Variants in PARD3 observed in about 807,000 individuals in gnomAD.
PARD3 encodes the protein par-3 family cell polarity regulator, also known as partitioning defective 3 homolog.
A neutral mutation model predicts 155.4 loss-of-function variants in PARD3; 75 were observed. That is an observed-to-expected ratio of 0.48 (90% confidence interval 0.40 to 0.58). The LOEUF is 0.58. Among genes scored for constraint, PARD3 ranks in the 20% least tolerant of loss-of-function variants. PARD3 has a pLI of 0.00. For synonymous variants in PARD3, 576 were observed against 610.5 expected, an observed-to-expected ratio of 0.94 and a Z score of 0.83; for missense variants, 1,642 against 1,721.7, an observed-to-expected ratio of 0.95 and a Z score of 0.82.
chr10:34,591,698 C>T (rs2088701300), intron 2 of PARD3, among the ~76,000 whole-genome samples: 1 of 152,094 alleles, frequency 6.6e-6, no homozygotes, highest in Admixed American at 6.6e-5. Flanking sequence ...AGGCCTTAAT[C>T]CAGAAATGAA....
At chr10:34,548,599 T>A (rs2133948261) in intron 2 of PARD3, among the ~76,000 whole-genome samples, 2 of 152,218 alleles carry the variant, frequency 1.3e-5, no homozygotes, top group African/African-American at 4.8e-5. Flanking sequence ...AACTACCAGC[T>A]GGCATTAAAA....
At chr10:34,580,985 G>T (rs1044964275) in intron 2 of PARD3, among the ~76,000 whole-genome samples, 1 of 152,114 alleles carries the variant, frequency 6.6e-6, no homozygotes, top group Admixed American at 6.5e-5. Flanking sequence ...TATAAAACAT[G>T]ATCAGTGTGT....
chr10:34,603,235 C>T (rs1394682535), intron 2 of PARD3, among the ~76,000 whole-genome samples: 1 of 152,146 alleles, frequency 6.6e-6, no homozygotes, highest in Non-Finnish European at 1.5e-5. Context: ...TGGTGGGCTG[C>T]AAGTTTAAAT....
chr10:34,656,168 C>G (rs545205523), intron 2 of PARD3, among the ~76,000 whole-genome samples: 1 of 152,102 alleles, frequency 6.6e-6, no homozygotes, highest in Non-Finnish European at 1.5e-5. Flanking sequence ...CACTGCCCCC[C>G]ATAAACCACA....
intron 1 of PARD3, among the ~76,000 whole-genome samples, chr10:34,795,578 C>A (rs552666350): frequency 6.6e-6 from 1 of 152,260 alleles, no homozygotes; most frequent in Admixed American, 6.5e-5. Context: ...CCACTGTACT[C>A]CAGCCTGGGC....
intron 20 of PARD3, among the ~76,000 whole-genome samples, chr10:34,315,313 A>G (rs1957942774): frequency 6.6e-6 from 1 of 152,196 alleles, no homozygotes; most frequent in Non-Finnish European, 1.5e-5. Flanking sequence ...GCTCTACCAT[A>G]GGCCTTTCTT....
chr10:34,478,119 G>A (rs532712012), intron 3 of PARD3, among the ~76,000 whole-genome samples: 1 of 152,326 alleles, frequency 6.6e-6, no homozygotes, highest in Non-Finnish European at 1.5e-5. Context: ...ATGACTCAGA[G>A]AGAAGGATAT....
intron 4 of PARD3, among the ~76,000 whole-genome samples, chr10:34,468,457 T>C (rs2133054576): frequency 6.6e-6 from 1 of 152,308 alleles, no homozygotes; most frequent in South Asian, 2.1e-4. Context: ...TGTTTACACA[T>C]TTGTGAATAT....
intron 1 of PARD3, among the ~76,000 whole-genome samples, chr10:34,750,070 C>CACACAA (rs1491522495): frequency 1.5e-5 from 2 of 135,018 alleles, no homozygotes; most frequent in African/African-American, 5.5e-5. Flanking sequence ...CACACACACA[C>CACACAA]AAAACCCGCA....
intron 12 of PARD3, among the ~76,000 whole-genome samples, chr10:34,370,490 G>A (rs1316414037): frequency 6.6e-6 from 1 of 152,098 alleles, no homozygotes; most frequent in African/African-American, 2.4e-5. Context: ...GTGTTGCCCA[G>A]ACTGGTCTTA....
intron 3 of PARD3, among the ~76,000 whole-genome samples, chr10:34,495,728 G>T (rs377569799): frequency 6.9e-4 from 105 of 151,784 alleles, no homozygotes; most frequent in African/African-American, 2.5e-3. Flanking sequence ...GAGGGGTCTG[G>T]TTATTCAAAT....
chr10:34,193,501 G>A lies in PARD3; in HGVS notation c.3420-61918C>T, dbSNP rs143297526. ...ATGAAAAAGGCTCCAAACTTCTAAC[G>A]GCCTTCTTACCAAGAAGATGAAACA... On this transcript the variant is annotated intron_variant, in intron 22 of 24. Transcript: ENST00000374788. Among the ~76,000 whole-genome samples, 437 of 152,164 alleles carry A rather than the reference G, an allele frequency of 2.9e-3. 4 individuals are homozygous for A. The highest frequency in any genetic ancestry group is 0.01 in the African/African-American group (416 of 41,506).
In PARD3 at chr10:34,619,059, T is replaced by C. The variant is rs568201102; in HGVS notation, c.222+77259A>G. 2.7e-5 allele frequency among the ~76,000 whole-genome samples: 4 copies of C among 150,332 alleles called. No homozygotes were observed. In the East Asian group the frequency reaches 7.8e-4, roughly 29 times the overall value. On this transcript the variant is annotated intron_variant, in intron 2 of 24. Transcript: ENST00000374788. ...CCCATAAAGCCTTTTTTTTTTTTCT[T>C]TTTTTTTTTGAGACAGAGTCTCAGT...
chr10:34,443,963 G>A (rs2076604526), intron 5 of PARD3, among the ~76,000 whole-genome samples: 1 of 152,154 alleles, frequency 6.6e-6, no homozygotes, highest in African/African-American at 2.4e-5. Flanking sequence ...AAATGACGTA[G>A]ACATCGGCAT....
At position 34,265,505 on chromosome 10, in the gene PARD3, G is replaced by C. The variant is rs139549110; in HGVS notation, c.3419+4152C>G. ...CAGGCTACACATCAGACTGTCAACT[G>C]CCTGCATTCCCATGAAATCCAAAAA... On this transcript the variant is annotated intron_variant, in intron 22 of 24. Transcript: ENST00000374788. Among the ~76,000 whole-genome samples, 115 of 152,266 alleles carry C rather than the reference G, an allele frequency of 7.6e-4. 1 individual carries two copies. The highest frequency in any genetic ancestry group is 1.4e-3 in the Non-Finnish European group (93 of 68,020).
chr10:34,225,574 G>A (rs1952554182), intron 22 of PARD3, among the ~76,000 whole-genome samples: 1 of 152,134 alleles, frequency 6.6e-6, no homozygotes, highest in African/African-American at 2.4e-5. Context: ...TTGAACTCCT[G>A]ACCTCAGGTG....
At chr10:34,633,078 A>G (rs572953143) in intron 2 of PARD3, among the ~76,000 whole-genome samples, 1 of 152,368 alleles carries the variant, frequency 6.6e-6, no homozygotes, top group African/African-American at 2.4e-5. Flanking sequence ...TCATTGAGGT[A>G]CAAAAGTGAT....
chr10:34,766,970 C>T (rs1057273251), intron 1 of PARD3, among the ~76,000 whole-genome samples: 16 of 152,130 alleles, frequency 1.1e-4, no homozygotes, highest in African/African-American at 3.9e-4. Flanking sequence ...AAGGAGGCAT[C>T]CCAGGGAGAA....
rs569291596 is a variant in PARD3 at position 34,436,866 on chromosome 10, A to G, written c.714+13451T>C. 1.7e-4 allele frequency among the ~76,000 whole-genome samples: 26 copies of G among 152,270 alleles called. No homozygotes were observed. The South Asian group carries it at 5.2e-3, about 30-fold the overall frequency. On this transcript the variant is annotated intron_variant, in intron 5 of 24. Coordinates refer to ENST00000374788, the MANE Select transcript of PARD3 (RefSeq NM_001184785.2). ...GTAGTAGTATTTATATAAAAAGGTG[A>G]AAAGAGAATATGTTTCCGTATTTGC...
Sources: gnomAD v4.1 joint callset for allele counts (sites outside exome capture counted in the v4.1 genomes callset) on GRCh38, gnomAD v4.1.1 for gene constraint, MANE v1.5 for transcripts, NCBI Gene and HGNC (gene_info 2026-07-23, HGNC 2026-07-21) for gene names.